SLC26A3: variants seen among roughly 807,000 people sequenced by gnomAD.
SLC26A3 encodes solute carrier family 26 member 3.
In SLC26A3, 64 loss-of-function variants were observed where a neutral mutation model predicts 85.6. That is an observed-to-expected ratio of 0.75 (90% CI 0.61 to 0.92). The LOEUF (loss-of-function observed/expected upper bound fraction) is 0.92, where lower values mean the gene tolerates loss of function less well. SLC26A3 is among the 40% of genes least tolerant of loss of function. The probability of loss-of-function intolerance (pLI) is 0.00; values close to 1 mark genes in which losing one functional copy is unlikely to be tolerated. For synonymous variants in SLC26A3, 349 were observed against 336.0 expected (o/e 1.04, Z -0.42); for missense variants, 922 against 927.3 (o/e 0.99, Z 0.07).
At chr7:107,766,154 A>T (rs1467981890) in intron 20 of SLC26A3, among the ~76,000 whole-genome samples, 2 of 152,170 alleles carry the variant, frequency 1.3e-5, no homozygotes, top group Admixed American at 6.6e-5. Context: ...TTGGCCTGGT[A>T]TATTCAGCTG....
intron 18 of SLC26A3, among the ~76,000 whole-genome samples, chr7:107,768,153 C>T (rs1793946805): frequency 6.6e-6 from 1 of 152,070 alleles, no homozygotes; most frequent in Non-Finnish European, 1.5e-5. Context: ...GGCAAAGGAG[C>T]AAATGAAAAA....
intron 1 of SLC26A3, 42 bp from the exon 2 acceptor site, chr7:107,794,639 A>G (rs1794465718): frequency 4.2e-6 from 4 of 949,192 alleles, no homozygotes; most frequent in East Asian, 2.4e-5. Flanking sequence ...ACTCAGAGAT[A>G]ATGTGATGCA....
chr7:107,787,306 A>G, intron 7 of SLC26A3, 51 bp downstream of exon 7: 1 of 1,597,664 alleles, frequency 6.3e-7, no homozygotes, highest in Middle Eastern at 1.7e-4. Flanking sequence ...AAGGACTTAC[A>G]ACATATAAAC....
At chr7:107,770,334 G>A (rs1337403282) in intron 18 of SLC26A3, among the ~76,000 whole-genome samples, 15 of 129,684 alleles carry the variant, frequency 1.2e-4, no homozygotes, top group Non-Finnish European at 1.8e-4. Flanking sequence ...ACAGCTTACC[G>A]CAGCCTTGAC....
intron 3 of SLC26A3, among the ~76,000 whole-genome samples, chr7:107,792,360 T>C (rs1354272623): frequency 6.6e-6 from 1 of 151,992 alleles, no homozygotes; most frequent in Non-Finnish European, 1.5e-5. Flanking sequence ...TTCACCATAA[T>C]GTAGAATCAG....
intron 20 of SLC26A3, 90 bp downstream of exon 20, chr7:107,767,489 T>C (rs1166733585): frequency 3.2e-6 from 3 of 940,238 alleles, no homozygotes; most frequent in Admixed American, 3.7e-5. Flanking sequence ...TGCTGGACTT[T>C]CTGCCACATG....
At position 107,793,772 on chromosome 7, in the gene SLC26A3, T is replaced by C. The variant is rs116793431; in HGVS notation, c.241A>G (p.Ile81Val). Residue 81 changes from isoleucine to valine, a missense_variant, in exon 3 of 21, where the codon ATC becomes GTC. Physicochemically the swap from Ile to Val is conservative, Grantham distance 29 (BLOSUM62 3). Transcript: ENST00000340010. ...EWLLSDIVSGISTGIVAVLQG... is the reference protein window; with the variant it reads ...EWLLSDIVSGVSTGIVAVLQG... ...AGTACGGCCACAATCCCTGTGCTGATACCAGAAACAATATCACTGAGCAAC... is the reference window on the plus strand; with the variant it reads ...AGTACGGCCACAATCCCTGTGCTGACACCAGAAACAATATCACTGAGCAAC... The C allele has an allele frequency of 2.4e-3, 3,801 of 1,614,090 alleles. 96 individuals carry two copies. The African/African-American group carries it at 0.045, about 19-fold the overall frequency.
Position 107,791,839 on chromosome 7 carries a change from T to C in SLC26A3, c.373A>G (p.Ile125Val). ...TCAGTAACTGACTTACCCACGGATATGTGTCTGGAAGTGCCGAAGAAAAGG... is the reference window on the plus strand; with the variant it reads ...TCAGTAACTGACTTACCCACGGATACGTGTCTGGAAGTGCCGAAGAAAAGG... Reference protein sequence around the residue: ...IYLFFGTSRHISVGPFPILSM... With the variant: ...IYLFFGTSRHVSVGPFPILSM... The change falls in exon 4 of 21, where the codon ATA (isoleucine) becomes GTA (valine). Residue 125 changes from isoleucine to valine, a missense_variant. By Grantham distance (29) the Ile-to-Val change is conservative (BLOSUM62 3). Coordinates refer to ENST00000340010, the MANE Select transcript of SLC26A3 (RefSeq NM_000111.3). 1 of 1,604,166 alleles carries C rather than the reference T, an allele frequency of 6.2e-7. No homozygotes were observed. Among genetic ancestry groups the C allele is most frequent in the Non-Finnish European group, 8.5e-7 (1 of 1,171,056 alleles).
At chr7:107,770,444 G>A (rs1417958092) in intron 18 of SLC26A3, among the ~76,000 whole-genome samples, 8 of 147,856 alleles carry the variant, frequency 5.4e-5, no homozygotes, top group African/African-American at 2.0e-4. Context: ...TTTTTTTAGA[G>A]ACGAGGTTTC....
chr7:107,791,152 T>C lies in SLC26A3; in HGVS notation c.466A>G (p.Thr156Ala), dbSNP rs1456762141. The change falls in exon 5 of 21, where the codon ACT becomes GCT. Residue 156 changes from threonine to alanine, a missense_variant. Thr to Ala is a moderately conservative substitution (Grantham distance 58, BLOSUM62 0). Coordinates refer to ENST00000340010, the MANE Select transcript of SLC26A3 (RefSeq NM_000111.3). ...SKAVPDRNAT[T>A]LGLPNNSNNS... The stretch of plus-strand genomic sequence containing the variant: ...TTCGAGTTGTTAGGCAATCCCAAAG[T>C]AGTTGCATTGCGATCTGGGACTGCT... 6.2e-7 allele frequency: 1 copy of C among 1,614,152 alleles called. No individual in the cohort carries two copies. The highest frequency in any genetic ancestry group is 1.7e-5 in the Admixed American group (1 of 60,028).
At chr7:107,770,021 T>TCTTC (rs1793983400) in intron 18 of SLC26A3, among the ~76,000 whole-genome samples, 1 of 39,584 alleles carries the variant, frequency 2.5e-5, no homozygotes, top group Non-Finnish European at 4.5e-5. Flanking sequence ...TTTCTTTCTT[T>TCTTC]CTTTCTTTCT....
chr7:107,792,342 T>C (rs1794416766), intron 3 of SLC26A3, among the ~76,000 whole-genome samples: 1 of 152,028 alleles, frequency 6.6e-6, no homozygotes, highest in Admixed American at 6.6e-5. Flanking sequence ...AATGAAATAA[T>C]TATACAATTC....
Position 107,776,706 on chromosome 7 carries a change from A to T in SLC26A3, c.1515T>A (p.Phe505Leu), listed in dbSNP as rs1416073562. 2 of 1,613,016 alleles carry T rather than the reference A, an allele frequency of 1.2e-6. No homozygotes were observed. Among genetic ancestry groups the T allele is most frequent in the African/African-American group, 1.3e-5 (1 of 74,896 alleles). ...QLLTIVFRTQFPKCSTLANIG... is the reference protein window; with the variant it reads ...QLLTIVFRTQLPKCSTLANIG... ...TATTAGCCAGCGTGCTGCATTTTGG[A>T]CTGTAGGGAGAAAAACACCAAGTAA... The change falls in exon 14 of 21, where the codon TTT becomes TTA. Residue 505 changes from phenylalanine to leucine, a missense_variant and splice_region_variant. Coordinates refer to ENST00000340010, the MANE Select transcript of SLC26A3 (RefSeq NM_000111.3).
intron 1 of SLC26A3, among the ~76,000 whole-genome samples, chr7:107,799,228 A>G (rs1290887989): frequency 6.6e-6 from 1 of 152,198 alleles, no homozygotes; most frequent in African/African-American, 2.4e-5. Flanking sequence ...ATTGCCGAAG[A>G]TGCTGAAGAA....
intron 1 of SLC26A3, among the ~76,000 whole-genome samples, chr7:107,801,445 G>T (rs1794597772): frequency 6.6e-6 from 1 of 152,152 alleles, no homozygotes; most frequent in Admixed American, 6.5e-5. Context: ...ATCTCCTTGA[G>T]GTGACTTGCT....
At chr7:107,766,830 C>A (rs1793924254) in intron 20 of SLC26A3, among the ~76,000 whole-genome samples, 2 of 151,222 alleles carry the variant, frequency 1.3e-5, no homozygotes, top group Non-Finnish European at 2.9e-5. Flanking sequence ...GTTGGGGTCA[C>A]TTGGTATGTG....
intron 20 of SLC26A3, among the ~76,000 whole-genome samples, chr7:107,766,321 G>T (rs1475091507): frequency 1.3e-5 from 2 of 152,114 alleles, no homozygotes; most frequent in East Asian, 3.9e-4. Flanking sequence ...CTAGTGTTTG[G>T]GTCAGACATG....
intron 8 of SLC26A3, among the ~76,000 whole-genome samples, chr7:107,785,666 T>C (rs1296984577): frequency 2.0e-5 from 3 of 152,216 alleles, no homozygotes; most frequent in Non-Finnish European, 4.4e-5. Context: ...TTCAGCCTAA[T>C]TTCCACTTTA....
intron 5 of SLC26A3, among the ~76,000 whole-genome samples, chr7:107,790,227 T>C (rs896597970): frequency 6.6e-5 from 10 of 152,190 alleles, no homozygotes; most frequent in African/African-American, 2.4e-4. Context: ...TAAAGCATCA[T>C]TGTTTTGCAA....
Sources: allele counts gnomAD v4.1 joint callset (sites outside exome capture counted in the v4.1 genomes callset), GRCh38; gene constraint gnomAD v4.1.1; transcripts MANE v1.5; gene names NCBI Gene and HGNC (gene_info 2026-07-23, HGNC 2026-07-21).